Variants in FAM13A observed in about 807,000 individuals in gnomAD.
The protein encoded by FAM13A is protein FAM13A.
A neutral mutation model predicts 129.6 loss-of-function variants in FAM13A; 76 were observed. The ratio of observed to expected loss-of-function variants is 0.59; its 90% confidence interval spans 0.49 to 0.71. The LOEUF (loss-of-function observed/expected upper bound fraction) is 0.71. Ranked by LOEUF, FAM13A falls within the 30% of genes least tolerant of loss-of-function variation. The pLI is 0.00. For missense variants in FAM13A, 1,108 were observed against 1,249.3 expected, an observed-to-expected ratio of 0.89 and a Z score of 1.70; for synonymous variants, 443 against 449.9, an observed-to-expected ratio of 0.98 and a Z score of 0.20.
intron 19 of FAM13A, 94 bp downstream of exon 19, chr4:88,746,838 T>C (rs755123826): frequency 6.1e-6 from 5 of 821,286 alleles, no homozygotes; most frequent in Admixed American, 5.9e-5. Flanking sequence ...CAAGCAAACA[T>C]TAGGGAACCC....
intron 7 of FAM13A, among the ~76,000 whole-genome samples, chr4:88,845,402 T>C (rs17014685): frequency 0.083 from 12,656 of 151,982 alleles, 882 homozygotes; most frequent in African/African-American, 0.19. Context: ...TCTTATTTTT[T>C]CCTTCTGTGA....
chr4:88,836,893 G>C (rs952441638), intron 7 of FAM13A, among the ~76,000 whole-genome samples: 1 of 151,922 alleles, frequency 6.6e-6, no homozygotes, highest in Non-Finnish European at 1.5e-5. Flanking sequence ...CCGGGAGGTG[G>C]AGGTTGCAGA....
intron 6 of FAM13A, among the ~76,000 whole-genome samples, chr4:88,856,664 T>G (rs1470522392): frequency 6.6e-6 from 1 of 152,220 alleles, no homozygotes; most frequent in Non-Finnish European, 1.5e-5. Context: ...AAGATTGAGA[T>G]CGAAGGACAA....
intron 4 of FAM13A, among the ~76,000 whole-genome samples, chr4:88,940,668 G>A (rs923240347): frequency 6.6e-6 from 1 of 152,148 alleles, no homozygotes; most frequent in Non-Finnish European, 1.5e-5. Flanking sequence ...ACCTCAGAAA[G>A]ATCAAAAGCT....
chr4:88,843,113 G>A (rs1178664657), intron 7 of FAM13A, among the ~76,000 whole-genome samples: 2 of 152,338 alleles, frequency 1.3e-5, no homozygotes, highest in East Asian at 3.9e-4. Flanking sequence ...TGCAAAGATA[G>A]AGTTAGATAT....
chr4:89,011,537 T>C (rs1765735485), intron 3 of FAM13A, among the ~76,000 whole-genome samples: 1 of 152,138 alleles, frequency 6.6e-6, no homozygotes, highest in African/African-American at 2.4e-5. Context: ...CTGCTTCTAT[T>C]ATGTGAGATC....
At chr4:88,823,103 G>T in intron 7 of FAM13A, 1 of 1,586,326 alleles carries the variant, frequency 6.3e-7, no homozygotes, top group Non-Finnish European at 8.6e-7. Context: ...GCTAAGCTGG[G>T]TTGGGGGCAT....
chr4:88,978,780 C>T (rs1480555017), intron 4 of FAM13A, among the ~76,000 whole-genome samples: 2 of 151,138 alleles, frequency 1.3e-5, no homozygotes, highest in Non-Finnish European at 2.9e-5. Flanking sequence ...GGCGACAGGG[C>T]GAGACTCCGT....
chr4:88,839,583 G>A (rs982242761), intron 7 of FAM13A, among the ~76,000 whole-genome samples: 4 of 152,238 alleles, frequency 2.6e-5, no homozygotes, highest in African/African-American at 9.6e-5. Flanking sequence ...AACTGGCAGG[G>A]GCATATAAGA....
intron 7 of FAM13A, among the ~76,000 whole-genome samples, chr4:88,834,044 C>T (rs1734370704): frequency 6.7e-6 from 1 of 150,076 alleles, no homozygotes; most frequent in Admixed American, 6.6e-5. Context: ...TGCACACCAC[C>T]AGGCCTGGCT....
At chr4:88,876,115 G>A (rs1742398712) in intron 6 of FAM13A, among the ~76,000 whole-genome samples, 1 of 152,102 alleles carries the variant, frequency 6.6e-6, no homozygotes, top group South Asian at 2.1e-4. Context: ...CACAGGGTGG[G>A]GAACATCCCA....
At chr4:88,890,959 T>C (rs552631752) in intron 6 of FAM13A, among the ~76,000 whole-genome samples, 1 of 152,116 alleles carries the variant, frequency 6.6e-6, no homozygotes, top group South Asian at 2.1e-4. Flanking sequence ...CCTATATCCA[T>C]AAAAGAAATT....
intron 4 of FAM13A, among the ~76,000 whole-genome samples, chr4:88,948,962 G>T (rs1756444382): frequency 6.6e-6 from 1 of 152,188 alleles, no homozygotes; most frequent in African/African-American, 2.4e-5. Flanking sequence ...TCTCTCTTGA[G>T]AATCAAAGTT....
chr4:88,964,917 C>T (rs138765889), intron 4 of FAM13A, among the ~76,000 whole-genome samples: 1,768 of 151,978 alleles, frequency 0.012, 45 homozygotes, highest in African/African-American at 0.04. Flanking sequence ...CGTGAGATAC[C>T]GCGCCCGGCC....
chr4:88,959,085 A>G (rs1758222760), intron 4 of FAM13A, among the ~76,000 whole-genome samples: 1 of 152,256 alleles, frequency 6.6e-6, no homozygotes, highest in South Asian at 2.1e-4. Flanking sequence ...GTATCTTGAA[A>G]TTAAATAACT....
rs11323 is a variant in FAM13A at position 88,726,423 on chromosome 4, G to A, written c.*2110C>T. The A allele has an allele frequency of 1.2e-3, 182 of 152,592 alleles. No individual in the cohort carries two copies. The highest frequency in any genetic ancestry group is 4.2e-3 in the African/African-American group (174 of 41,532). 9.5% of individuals were successfully genotyped at this position (152,592 alleles called of 1,614,324 possible). On this transcript the variant is annotated 3_prime_UTR_variant, in exon 24 of 24. Transcript: ENST00000264344. ...CATACAAATTCAAATGGGGATTCCT[G>A]AATAAATCTTTAGTTAATTTACCTT...
At chr4:88,828,105 C>G (rs1197373257) in intron 7 of FAM13A, among the ~76,000 whole-genome samples, 1 of 152,128 alleles carries the variant, frequency 6.6e-6, no homozygotes, top group Non-Finnish European at 1.5e-5. Context: ...CCTACCTATA[C>G]TTTAGGTCTA....
intron 4 of FAM13A, among the ~76,000 whole-genome samples, chr4:88,953,005 C>T (rs529492848): frequency 9.2e-5 from 14 of 152,144 alleles, no homozygotes; most frequent in African/African-American, 2.9e-4. Context: ...CAGCTCTTTG[C>T]CTTTGTAAAT....
chr4:88,824,392 T>A (rs898458982), intron 7 of FAM13A, among the ~76,000 whole-genome samples: 1 of 152,204 alleles, frequency 6.6e-6, no homozygotes, highest in Non-Finnish European at 1.5e-5. Flanking sequence ...TTATAAGACA[T>A]CTGCTTTTCT....
Sources: gnomAD v4.1 joint callset for allele counts (sites outside exome capture counted in the v4.1 genomes callset) on GRCh38, gnomAD v4.1.1 for gene constraint, MANE v1.5 for transcripts, NCBI Gene and HGNC (gene_info 2026-07-23, HGNC 2026-07-21) for gene names.